N4BP3: variants seen among roughly 807,000 people sequenced by gnomAD.
N4BP3 encodes the protein NEDD4-binding protein 3.
In N4BP3, 33 loss-of-function variants were observed where a neutral mutation model predicts 43.8. That is an observed-to-expected ratio of 0.75 (90% CI 0.57 to 1.01). N4BP3 has a LOEUF of 1.01. Among genes scored for constraint, N4BP3 ranks in the 50% least tolerant of loss-of-function variants. The pLI, the probability that N4BP3 is intolerant of heterozygous loss-of-function variation, is 0.00. For missense variants in N4BP3, 756 were observed against 744.2 expected (o/e 1.02, Z -0.18); for synonymous variants, 326 against 321.9 (o/e 1.01, Z -0.14).
chr5:178,113,564 G>C lies in N4BP3; in HGVS notation c.-238G>C, dbSNP rs933599011. On this transcript the variant is annotated 5_prime_UTR_variant, in exon 1 of 5. Coordinates refer to ENST00000274605, the MANE Select transcript of N4BP3 (RefSeq NM_015111.2). ...CTCCGCCTTTGGGGCAGGCGATCGA[G>C]CGCCGCGGAGCGCGTCCCTCCCTCG... is the stretch of plus-strand genomic sequence containing the variant. 5.2e-4 allele frequency: 79 copies of C among 151,718 alleles called. No individual in the cohort carries two copies. Among genetic ancestry groups the C allele is most frequent in the African/African-American group, 1.6e-3 (65 of 41,460 alleles). The allele number at this position is 151,718 out of a possible 1,614,324, so 9.4% of individuals were successfully genotyped here. A position where few individuals can be genotyped will look rare whatever the true frequency, so the allele number is the denominator to read the frequency against.
rs1309066023 is a variant in N4BP3 at position 178,118,384 on chromosome 5, G to C, written c.-30-1170G>C. Among the ~76,000 whole-genome samples the C allele has an allele frequency of 6.6e-6, 1 of 152,190 alleles. No homozygotes were observed. Among genetic ancestry groups the C allele is most frequent in the Non-Finnish European group, 1.5e-5 (1 of 68,038 alleles). The stretch of plus-strand genomic sequence containing the variant: ...CATCCCAGTGATAAGTGTTATTGTC[G>C]CCAGGGTGTGTGTGCGGAAGTCCAG... On this transcript the variant is annotated intron_variant, in intron 1 of 4. Coordinates refer to ENST00000274605, the MANE Select transcript of N4BP3 (RefSeq NM_015111.2). This position sits in a 1 kb window ranked among gnomAD's most constrained non-coding sequence, Gnocchi z 5.4.
Position 178,121,471 on chromosome 5 carries a change from C to A in N4BP3, c.1108-3C>A, listed in dbSNP as rs767632311. 1 of 1,613,908 alleles carries A rather than the reference C, an allele frequency of 6.2e-7. No homozygotes were observed. The highest frequency in any genetic ancestry group is 8.5e-7 in the Non-Finnish European group (1 of 1,179,986). ...CTTTGCTTGCGTCCTCCCCATCCCC[C>A]AGGTGTGCCAGAAGACAGCAGAGAT... On this transcript the variant is annotated splice_region_variant and splice_polypyrimidine_tract_variant and intron_variant, in intron 4 of 4. Coordinates refer to ENST00000274605, the MANE Select transcript of N4BP3 (RefSeq NM_015111.2).
In N4BP3 at chr5:178,124,720, G is replaced by A. The variant is rs942123182; in HGVS notation, c.*2719G>A. The stretch of plus-strand genomic sequence containing the variant: ...CCCTTCAGGCTTCTGACACACTAGT[G>A]GCCTCGAGTCACTGATAGTGGTGCC... On this transcript the variant is annotated 3_prime_UTR_variant, in exon 5 of 5. Transcript: ENST00000274605. The A allele has an allele frequency of 4.6e-5, 7 of 152,684 alleles. No homozygotes were observed. The highest frequency in any genetic ancestry group is 7.3e-5 in the Non-Finnish European group (5 of 68,466). 9.5% of individuals were successfully genotyped at this position (152,684 alleles called of 1,614,324 possible).
At chr5:178,127,026 TC>T (rs1168458903), downstream of N4BP3, among the ~76,000 whole-genome samples, 1 of 152,222 alleles carries the variant, frequency 6.6e-6, no homozygotes, top group Non-Finnish European at 1.5e-5. Flanking sequence ...ATGCCTTTTC[TC>T]CTATTAATCT....
rs1394889461 is a variant in N4BP3 at position 178,118,534 on chromosome 5, G to A, written c.-30-1020G>A. 6.6e-6 allele frequency among the ~76,000 whole-genome samples: 1 copy of A among 152,186 alleles called. No homozygotes were observed. Among genetic ancestry groups the A allele is most frequent in the East Asian group, 1.9e-4 (1 of 5,190 alleles). Reference sequence around the variant, plus strand: ...AGAGCATATACAGGGGCTGGAGTGAGTCCAGCTGCCCCTTCCCTCCTCCAC... The same window carrying A: ...AGAGCATATACAGGGGCTGGAGTGAATCCAGCTGCCCCTTCCCTCCTCCAC... On this transcript the variant is annotated intron_variant, in intron 1 of 4. Transcript: ENST00000274605. This position sits in a 1 kb window ranked among gnomAD's most constrained non-coding sequence, Gnocchi z 5.4.
At chr5:178,116,646 G>C (rs1432145551) in intron 1 of N4BP3, among the ~76,000 whole-genome samples, 1 of 152,206 alleles carries the variant, frequency 6.6e-6, no homozygotes, top group Non-Finnish European at 1.5e-5. Context: ...GGGTGGGGCT[G>C]ACATGTGGCA....
intron 1 of N4BP3, among the ~76,000 whole-genome samples, chr5:178,114,967 C>A (rs1371237270): frequency 6.6e-6 from 1 of 152,166 alleles, no homozygotes; most frequent in South Asian, 2.1e-4. Flanking sequence ...GAGGGGAACC[C>A]GTGACCCCTG....
intron 2 of N4BP3, 64 bp downstream of exon 2, chr5:178,119,977 T>C (rs1294869297): frequency 6.6e-7 from 1 of 1,514,480 alleles, no homozygotes; most frequent in Non-Finnish European, 8.9e-7. Context: ...GAGACCCTGA[T>C]GTTGGGATGG....
At chr5:178,120,775 C>T in intron 3 of N4BP3, 76 bp downstream of exon 3, 1 of 1,455,234 alleles carries the variant, frequency 6.9e-7, no homozygotes, top group Non-Finnish European at 9.0e-7. Flanking sequence ...GGGCCCCAGC[C>T]AGTTCACCCA....
At chr5:178,114,371 C>T (rs774916043) in intron 1 of N4BP3, among the ~76,000 whole-genome samples, 17 of 152,250 alleles carry the variant, frequency 1.1e-4, no homozygotes, top group Admixed American at 7.2e-4. Context: ...AACCCCCTGC[C>T]GGTCCACCAG....
rs1260035908 is a variant in N4BP3, at chr5:178,121,942, C to T, written c.1576C>T (p.Arg526Trp). The change falls in exon 5 of 5, where the codon CGG (arginine) becomes TGG (tryptophan). Residue 526 changes from arginine to tryptophan, a missense_variant. Coordinates refer to ENST00000274605, the MANE Select transcript of N4BP3 (RefSeq NM_015111.2). The part of the protein sequence containing the change: ...RRNQALEQEL[R>W]ALREPPTPWS... ...CAACCAGGCACTGGAGCAGGAACTG[C>T]GGGCACTGCGGGAGCCCCCCACACC... The T allele has an allele frequency of 1.2e-6, 2 of 1,611,496 alleles. No individual in the cohort carries two copies. Among genetic ancestry groups the T allele is most frequent in the East Asian group, 2.2e-5 (1 of 44,862 alleles).
chr5:178,119,356 T>C (rs1423806920), intron 1 of N4BP3, among the ~76,000 whole-genome samples, 198 bp from the exon 2 acceptor site: 1 of 152,190 alleles, frequency 6.6e-6, no homozygotes, highest in Non-Finnish European at 1.5e-5. Context: ...GATGGGCAGG[T>C]GGCTTTGGGG....
intron 1 of N4BP3, 53 bp from the exon 2 acceptor site, chr5:178,119,501 G>A: frequency 7.5e-7 from 1 of 1,336,738 alleles, no homozygotes; most frequent in Non-Finnish European, 1.0e-6. Flanking sequence ...AGGCCCCAGG[G>A]AAGTTGGGCA....
In N4BP3 at chr5:178,123,359, G is replaced by A. The variant is rs527512418; in HGVS notation, c.*1358G>A. On this transcript the variant is annotated 3_prime_UTR_variant, in exon 5 of 5. Transcript: ENST00000274605. ...GGCCCTTGTGAGTGTGGGGGCACAG[G>A]CTGAATTAGATGAGCTCCTGCCGCA... 8.0e-4 allele frequency: 122 copies of A among 152,468 alleles called. 2 individuals are homozygous for A. Among genetic ancestry groups the A allele is most frequent in the Non-Finnish European group, 7.5e-4 (51 of 68,114 alleles). The allele number at this position is 152,468 out of a possible 1,614,324, so 9.4% of individuals were successfully genotyped here.
chr5:178,121,234 A>AGCGGCGCCTGCGCAAGGAGCT lies in N4BP3; in HGVS notation c.994_1014dup (p.Arg332_Arg338dup). ...CAGCTGTTTATGGCTCAGCAGGAGCAGCGGCGCCTGCGCAAGGAGCTGCGG... is the reference window on the plus strand; with the variant it reads ...CAGCTGTTTATGGCTCAGCAGGAGCAGCGGCGCCTGCGCAAGGAGCTGCGGCGCCTGCGCAAGGAGCTGCGG... On this transcript the variant is annotated inframe_insertion, in exon 4 of 5. Transcript: ENST00000274605. 6.2e-7 allele frequency: 1 copy of AGCGGCGCCTGCGCAAGGAGCT among 1,604,112 alleles called. No individual in the cohort carries two copies. Among genetic ancestry groups the AGCGGCGCCTGCGCAAGGAGCT allele is most frequent in the Non-Finnish European group, 8.5e-7 (1 of 1,176,568 alleles).
At chr5:178,115,715 C>T (rs566286304) in intron 1 of N4BP3, among the ~76,000 whole-genome samples, 63 of 152,338 alleles carry the variant, frequency 4.1e-4, no homozygotes, top group Non-Finnish European at 6.9e-4. Context: ...TGCCCTTTGG[C>T]GTGACCCAAA....
At chr5:178,114,799 T>G (rs1757734293) in intron 1 of N4BP3, among the ~76,000 whole-genome samples, 1 of 152,214 alleles carries the variant, frequency 6.6e-6, no homozygotes, top group Admixed American at 6.5e-5. Context: ...TGAGGCAGGT[T>G]TCCTCTATTT....
At chr5:178,116,771 G>A (rs1387243473) in intron 1 of N4BP3, among the ~76,000 whole-genome samples, 2 of 152,118 alleles carry the variant, frequency 1.3e-5, no homozygotes, top group South Asian at 2.1e-4. Flanking sequence ...TTATCTCCTC[G>A]AGACAGGAAG....
At chr5:178,115,615 G>A (rs757664779) in intron 1 of N4BP3, among the ~76,000 whole-genome samples, 2 of 152,246 alleles carry the variant, frequency 1.3e-5, no homozygotes, top group African/African-American at 2.4e-5. Flanking sequence ...GACCTTAGGC[G>A]TGTTACTTCA....
Sources: allele counts gnomAD v4.1 joint callset (sites outside exome capture counted in the v4.1 genomes callset), GRCh38; gene constraint gnomAD v4.1.1; non-coding constraint Gnocchi (gnomAD v3.1); transcripts MANE v1.5; gene names NCBI Gene and HGNC (gene_info 2026-07-23, HGNC 2026-07-21).